GLYR1: variants seen among roughly 807,000 people sequenced by gnomAD.
GLYR1 encodes the protein cytokine-like nuclear factor N-PAC.
GLYR1 carries 21 observed loss-of-function variants against 72.7 expected under a neutral mutation model. The observed-to-expected ratio is 0.29, with a 90% CI of 0.20 to 0.42. The LOEUF (loss-of-function observed/expected upper bound fraction) is 0.42, where lower values mean the gene tolerates loss of function less well. Ranked by LOEUF, GLYR1 falls within the 10% of genes least tolerant of loss-of-function variation. The pLI, the probability that GLYR1 is intolerant of heterozygous loss-of-function variation, is 1.00. For synonymous variants in GLYR1, 392 were observed against 270.2 expected (o/e 1.45, Z -4.42); for missense variants, 594 against 712.1 (o/e 0.83, Z 1.89).
Position 4,811,424 on chromosome 16 carries a change from C to T in GLYR1, c.1463-130G>A, listed in dbSNP as rs2083316879. ...CCACATAGCCTAGGCCTCTTGGCTC[C>T]TCACTCACCCTTAGACACCTGAGGG... On this transcript the variant is annotated intron_variant, in intron 14 of 15. Coordinates refer to ENST00000321919, the MANE Select transcript of GLYR1 (RefSeq NM_032569.4). 3.0e-6 allele frequency: 4 copies of T among 1,326,030 alleles called. No homozygotes were observed. In the African/African-American group the frequency reaches 5.9e-5, roughly 19 times the overall value. The allele number at this position is 1,326,030 out of a possible 1,614,324, so 82.1% of individuals were successfully genotyped here. A position where few individuals can be genotyped will look rare whatever the true frequency, so the allele number is the denominator to read the frequency against.
Position 4,811,203 on chromosome 16 carries a change from G to C in GLYR1, c.1554C>G (p.Asn518Lys), listed in dbSNP as rs2083306880. The C allele has an allele frequency of 6.2e-7, 1 of 1,613,988 alleles. No individual in the cohort carries two copies. Among genetic ancestry groups the C allele is most frequent in the Non-Finnish European group, 8.5e-7 (1 of 1,180,034 alleles). The change falls in exon 15 of 16, where the codon AAC becomes AAG. Residue 518 changes from asparagine to lysine, a missense_variant. By Grantham distance (94) the Asn-to-Lys change is moderately conservative (BLOSUM62 0). Transcript: ENST00000321919. Reference sequence around the variant, plus strand: ...CTGCAGCTGCCATGGGAGTCGGATGGTTGACCGCATCACCCAGCGCAATGG... The same window carrying C: ...CTGCAGCTGCCATGGGAGTCGGATGCTTGACCGCATCACCCAGCGCAATGG... The part of the protein sequence containing the change: ...RLAIALGDAV[N>K]HPTPMAAAAN...
At chr16:4,837,658 A>G (rs1239071211) in intron 3 of GLYR1, among the ~76,000 whole-genome samples, 8 of 152,000 alleles carry the variant, frequency 5.3e-5, no homozygotes, top group Non-Finnish European at 1.2e-4. Context: ...TAGAGTATAA[A>G]GGTGAGAACA....
At position 4,821,457 on chromosome 16, in the gene GLYR1, C is replaced by A. The variant is rs376402598; in HGVS notation, c.733-4G>T. 20 of 1,613,960 alleles carry A rather than the reference C, an allele frequency of 1.2e-5. No homozygotes were observed. The highest frequency in any genetic ancestry group is 1.7e-5 in the Admixed American group (1 of 60,004). ...GGATGGAGGTGGAGCCAGTTTCCTA[C>A]GGACAGGAAGCACACATCATCAAGT... On this transcript the variant is annotated splice_polypyrimidine_tract_variant and splice_region_variant and intron_variant, in intron 8 of 15. Transcript: ENST00000321919.
intron 3 of GLYR1, among the ~76,000 whole-genome samples, chr16:4,836,121 A>G (rs1344819475): frequency 1.3e-5 from 2 of 152,074 alleles, no homozygotes; most frequent in African/African-American, 4.8e-5. Context: ...TTTAATGAGA[A>G]TATGCTTTTC....
chr16:4,813,665 C>T (rs1021354916), intron 12 of GLYR1, 72 bp downstream of exon 12: 10 of 1,317,546 alleles, frequency 7.6e-6, no homozygotes, highest in Middle Eastern at 1.9e-4. Context: ...CTTAACTGCC[C>T]ACTCTTGTAA....
chr16:4,805,879 G>A (rs975073705), intron 15 of GLYR1, among the ~76,000 whole-genome samples: 4 of 152,136 alleles, frequency 2.6e-5, no homozygotes, highest in African/African-American at 9.7e-5. Context: ...TACTCAGGAG[G>A]TTGAGGCAGG....
chr16:4,821,357 G>A (rs2084012609), intron 9 of GLYR1, 23 bp downstream of exon 9: 9 of 1,611,546 alleles, frequency 5.6e-6, no homozygotes, highest in Non-Finnish European at 6.8e-6. Flanking sequence ...AGCCACTGGA[G>A]GCCTTTTCAT....
intron 3 of GLYR1, chr16:4,843,448 C>T (rs1019610973): frequency 8.2e-7 from 1 of 1,221,352 alleles, no homozygotes; most frequent in Admixed American, 3.0e-5. Context: ...AGGCACCATG[C>T]CCGGCCAAAT....
Position 4,845,133 on chromosome 16 carries a change from G to A in GLYR1, c.96C>T (p.Asp32=), listed in dbSNP as rs750030166. The A allele has an allele frequency of 4.7e-5, 76 of 1,614,020 alleles. No homozygotes were observed. In the South Asian group the frequency reaches 8.2e-4, roughly 17 times the overall value. ...ATTTCTTTCCGCGAGGTTTCTTCAA[G>A]TCCTTTGGTGGATTAACAATCTGGA... The part of the protein sequence containing the change: ...WPGKIVNPPK[D]LKKPRGKKCF... The change falls in exon 3 of 16, where the codon GAC becomes GAT. Residue 32 remains aspartate, a synonymous_variant. Coordinates refer to ENST00000321919, the MANE Select transcript of GLYR1 (RefSeq NM_032569.4).
intron 9 of GLYR1, 187 bp from the exon 10 acceptor site, chr16:4,817,884 A>G (rs2083750021): frequency 3.4e-6 from 2 of 584,528 alleles, no homozygotes. Context: ...CTCTTATGCC[A>G]TGGTCTAAAG....
chr16:4,818,291 C>T (rs920822724), intron 9 of GLYR1, among the ~76,000 whole-genome samples: 1 of 152,164 alleles, frequency 6.6e-6, no homozygotes, highest in Non-Finnish European at 1.5e-5. Flanking sequence ...CCATGCCCGG[C>T]CTCACACTTT....
At chr16:4,832,701 C>T in intron 4 of GLYR1, 73 bp downstream of exon 4, 1 of 1,481,374 alleles carries the variant, frequency 6.8e-7, no homozygotes, top group Non-Finnish European at 9.1e-7. Context: ...GTTTGGGTGA[C>T]ATTTAATCTG....
rs141291483 is a variant in GLYR1 at position 4,841,296 on chromosome 16, A to T, written c.155+3778T>A. ...CTAGCACTTGTTATAAACAAGGATC[A>T]CAGTTTATTAATCTAGTCTTTTAGC... On this transcript the variant is annotated intron_variant, in intron 3 of 15. Coordinates refer to ENST00000321919, the MANE Select transcript of GLYR1 (RefSeq NM_032569.4). Among the ~76,000 whole-genome samples, 5 of 151,850 alleles carry T rather than the reference A, an allele frequency of 3.3e-5. No individual in the cohort carries two copies. In the South Asian group the frequency reaches 1.0e-3, roughly 32 times the overall value.
intron 5 of GLYR1, among the ~76,000 whole-genome samples, chr16:4,829,777 A>G (rs1371174345): frequency 6.6e-6 from 1 of 151,934 alleles, no homozygotes; most frequent in African/African-American, 2.4e-5. Context: ...GGTTCACGTG[A>G]TTCTCCTGCC....
At chr16:4,808,954 G>C (rs1022374676) in intron 15 of GLYR1, among the ~76,000 whole-genome samples, 2 of 152,086 alleles carry the variant, frequency 1.3e-5, no homozygotes, top group Non-Finnish European at 2.9e-5. Context: ...AAGAGAGTGA[G>C]ACTGTGTCTC....
chr16:4,821,622 T>G (rs1354766161), intron 7 of GLYR1, 25 bp from the exon 8 acceptor site: 14 of 1,605,450 alleles, frequency 8.7e-6, no homozygotes, highest in Non-Finnish European at 1.0e-5. Flanking sequence ...GGAAAGAGAC[T>G]ACTTGTGCTA....
chr16:4,813,625 C>A, intron 12 of GLYR1, 112 bp downstream of exon 12: 5 of 916,526 alleles, frequency 5.5e-6, no homozygotes, highest in South Asian at 1.4e-5. Context: ...CGCCTCTCCT[C>A]TTCCCTCTCT....
chr16:4,811,929 C>A, intron 13 of GLYR1, 127 bp from the exon 14 acceptor site: 1 of 1,413,814 alleles, frequency 7.1e-7, no homozygotes, highest in Non-Finnish European at 9.5e-7. Context: ...CCCCGACAGA[C>A]TGGCTCTTCC....
Position 4,811,716 on chromosome 16 carries a change from G to C in GLYR1, c.1369C>G (p.Leu457Val). The C allele has an allele frequency of 6.2e-7, 1 of 1,614,214 alleles. No individual in the cohort carries two copies. The highest frequency in any genetic ancestry group is 8.5e-7 in the Non-Finnish European group (1 of 1,180,036). The stretch of plus-strand genomic sequence containing the variant: ...TGGGACTGGCCTGTCACCTGGGCCA[G>C]GGTCAGCCCCTCGGCAATAGTGGCC... ...FMATIAEGLT[L>V]AQVTGQSQQT... Residue 457 changes from leucine to valine, a missense_variant, in exon 14 of 16, where the codon CTG (leucine) becomes GTG (valine). Physicochemically the swap from Leu to Val is conservative, Grantham distance 32 (BLOSUM62 1). Transcript: ENST00000321919.
Sources: allele counts gnomAD v4.1 joint callset (sites outside exome capture counted in the v4.1 genomes callset), GRCh38; gene constraint gnomAD v4.1.1; transcripts MANE v1.5; gene names NCBI Gene and HGNC (gene_info 2026-07-23, HGNC 2026-07-21).